Variants in SLC9A9 observed in about 807,000 individuals in gnomAD.
The protein encoded by SLC9A9 is solute carrier family 9 member A9.
In SLC9A9, 62 loss-of-function variants were observed where a neutral mutation model predicts 77.8. That is an observed-to-expected ratio of 0.80 (90% CI 0.65 to 0.98). The LOEUF is 0.98. SLC9A9 is among the 50% of genes least tolerant of loss of function. The pLI, the probability that SLC9A9 is intolerant of heterozygous loss-of-function variation, is 0.00. For synonymous variants in SLC9A9, 320 were observed against 283.5 expected, an observed-to-expected ratio of 1.13 and a Z score of -1.29; for missense variants, 775 against 774.9, an observed-to-expected ratio of 1.00 and a Z score of 0.00.
chr3:143,506,294 C>A (rs1055002241), intron 9 of SLC9A9, among the ~76,000 whole-genome samples: 1 of 152,198 alleles, frequency 6.6e-6, no homozygotes, highest in African/African-American at 2.4e-5. Context: ...TGTTGAGGGG[C>A]TGCTCAACCT....
At chr3:143,485,552 A>G (rs1288306367) in intron 11 of SLC9A9, among the ~76,000 whole-genome samples, 1 of 152,162 alleles carries the variant, frequency 6.6e-6, no homozygotes, top group Admixed American at 6.5e-5. Context: ...TGATTCCCAG[A>G]ACAGAGACAG....
chr3:143,717,627 G>A (rs892267368), intron 4 of SLC9A9, among the ~76,000 whole-genome samples: 1 of 152,132 alleles, frequency 6.6e-6, no homozygotes, highest in African/African-American at 2.4e-5. Flanking sequence ...CACTTGCCAG[G>A]CTGAACTACC....
At position 143,637,601 on chromosome 3, in the gene SLC9A9, A is replaced by G. The variant is rs58864441; in HGVS notation, c.755+14654T>C. 8.0e-3 allele frequency among the ~76,000 whole-genome samples: 1,221 copies of G among 152,260 alleles called. 11 individuals carry two copies. The highest frequency in any genetic ancestry group is 0.027 in the African/African-American group (1,130 of 41,542). ...TATGCTTTGGGCTTTAGTTTTCTAT[A>G]ATGTTGTTTCCCCTTAAAGTTGATC... On this transcript the variant is annotated intron_variant, in intron 6 of 15. Coordinates refer to ENST00000316549, the MANE Select transcript of SLC9A9 (RefSeq NM_173653.4).
chr3:143,803,964 C>A (rs2008639873), intron 2 of SLC9A9, among the ~76,000 whole-genome samples: 1 of 152,124 alleles, frequency 6.6e-6, no homozygotes, highest in Non-Finnish European at 1.5e-5. Flanking sequence ...TCCTCCTCCA[C>A]ACTTACTTAA....
chr3:143,336,219 A>G (rs143043106), intron 14 of SLC9A9, among the ~76,000 whole-genome samples: 4 of 152,180 alleles, frequency 2.6e-5, no homozygotes, highest in Non-Finnish European at 4.4e-5. Flanking sequence ...TAGGATGGCT[A>G]CTATCATAAA....
chr3:143,473,086 C>T (rs530917627), intron 11 of SLC9A9, among the ~76,000 whole-genome samples: 5 of 152,194 alleles, frequency 3.3e-5, no homozygotes, highest in African/African-American at 1.2e-4. Context: ...GCCAGCATCC[C>T]GACTAGAGAT....
At chr3:143,774,390 A>G (rs542904389) in intron 4 of SLC9A9, among the ~76,000 whole-genome samples, 22 of 152,332 alleles carry the variant, frequency 1.4e-4, no homozygotes, top group African/African-American at 4.8e-4. Flanking sequence ...GGCACTGAGT[A>G]CTGTTTAGGG....
chr3:143,408,537 T>C (rs1036902761), intron 12 of SLC9A9, among the ~76,000 whole-genome samples: 1 of 152,236 alleles, frequency 6.6e-6, no homozygotes, highest in South Asian at 2.1e-4. Context: ...CAGCCAATTA[T>C]TCAAGAAATA....
At chr3:143,754,541 T>G (rs1338039187) in intron 4 of SLC9A9, among the ~76,000 whole-genome samples, 1 of 152,188 alleles carries the variant, frequency 6.6e-6, no homozygotes. Flanking sequence ...GCCATCAACT[T>G]GCTTTATTGA....
At chr3:143,668,216 C>T (rs1182366957) in intron 5 of SLC9A9, among the ~76,000 whole-genome samples, 1 of 151,442 alleles carries the variant, frequency 6.6e-6, no homozygotes, top group Admixed American at 6.6e-5. Context: ...TCATTCTCAG[C>T]AAACTATCAC....
intron 4 of SLC9A9, among the ~76,000 whole-genome samples, chr3:143,760,719 A>G (rs1348056025): frequency 6.6e-6 from 1 of 152,240 alleles, no homozygotes; most frequent in Non-Finnish European, 1.5e-5. Flanking sequence ...AGAACATTCC[A>G]TGCTCACGAA....
At chr3:143,699,546 T>C (rs1450197735) in intron 4 of SLC9A9, among the ~76,000 whole-genome samples, 2 of 152,154 alleles carry the variant, frequency 1.3e-5, no homozygotes, top group Non-Finnish European at 2.9e-5. Context: ...TGTAAAACAT[T>C]GTACTGAACT....
intron 5 of SLC9A9, among the ~76,000 whole-genome samples, chr3:143,683,111 G>T (rs1329433786): frequency 6.6e-6 from 1 of 152,060 alleles, no homozygotes; most frequent in Admixed American, 6.6e-5. Context: ...TGTTTAAAAG[G>T]GTAGTTTATT....
chr3:143,365,566 T>C (rs768056609), intron 13 of SLC9A9, among the ~76,000 whole-genome samples: 4 of 152,228 alleles, frequency 2.6e-5, no homozygotes, highest in Non-Finnish European at 5.9e-5. Flanking sequence ...GGGACACTGA[T>C]GATCTTTTCC....
chr3:143,568,093 G>A (rs2037198832), intron 8 of SLC9A9, among the ~76,000 whole-genome samples: 1 of 152,156 alleles, frequency 6.6e-6, no homozygotes, highest in Non-Finnish European at 1.5e-5. Flanking sequence ...TTTATTGGAA[G>A]GAAGTGTGAT....
chr3:143,666,320 T>C (rs1449208223), intron 5 of SLC9A9, among the ~76,000 whole-genome samples: 3 of 152,192 alleles, frequency 2.0e-5, no homozygotes, highest in African/African-American at 7.2e-5. Flanking sequence ...AACTAGGTAT[T>C]GATGGGACAT....
At chr3:143,678,117 C>G (rs796507545) in intron 5 of SLC9A9, among the ~76,000 whole-genome samples, 3 of 152,190 alleles carry the variant, frequency 2.0e-5, no homozygotes, top group Non-Finnish European at 4.4e-5. Flanking sequence ...TGAGCCACCG[C>G]GCCCAGCCTG....
intron 13 of SLC9A9, among the ~76,000 whole-genome samples, chr3:143,366,298 C>T (rs926455480): frequency 3.3e-5 from 5 of 152,174 alleles, no homozygotes; most frequent in African/African-American, 1.2e-4. Flanking sequence ...CTCACTCTAT[C>T]AAGGTAGGTT....
chr3:143,678,237 T>C (rs1932948127), intron 5 of SLC9A9, among the ~76,000 whole-genome samples: 2 of 152,210 alleles, frequency 1.3e-5, no homozygotes, highest in South Asian at 4.1e-4. Context: ...ATTTTAATAA[T>C]TTTTCCCCAG....
Sources: allele counts gnomAD v4.1 joint callset (sites outside exome capture counted in the v4.1 genomes callset), GRCh38; gene constraint gnomAD v4.1.1; transcripts MANE v1.5; gene names NCBI Gene and HGNC (gene_info 2026-07-23, HGNC 2026-07-21).